The following CMTM4 variants were observed in gnomAD, a reference collection of about 807,000 sequenced individuals.
CMTM4 encodes the protein CKLF-like MARVEL transmembrane domain-containing protein 4.
CMTM4 carries 8 observed loss-of-function variants against 19.0 expected under a neutral mutation model. The ratio of observed to expected loss-of-function variants is 0.42; its 90% CI spans 0.25 to 0.76. The LOEUF (loss-of-function observed/expected upper bound fraction) is 0.76. Ranked by LOEUF, CMTM4 falls within the 30% of genes least tolerant of loss-of-function variation. The probability of loss-of-function intolerance (pLI) is 0.27; values close to 1 mark genes in which losing one functional copy is unlikely to be tolerated. For synonymous variants in CMTM4, 106 were observed against 121.1 expected (o/e 0.88, Z 0.82); for missense variants, 228 against 290.2 (o/e 0.79, Z 1.56).
chr16:66,648,977 GAAAAGA>G (rs2016257954), intron 1 of CMTM4, among the ~76,000 whole-genome samples: 1 of 151,922 alleles, frequency 6.6e-6, no homozygotes, highest in South Asian at 2.1e-4. Context: ...GTCAAAAAAA[GAAAAGA>G]AAAGGAAAAG....
chr16:66,665,781 A>G (rs2016581294), intron 1 of CMTM4, among the ~76,000 whole-genome samples: 1 of 151,924 alleles, frequency 6.6e-6, no homozygotes, highest in Non-Finnish European at 1.5e-5. Flanking sequence ...CTGTCTCAGA[A>G]AAAAAGGCCA....
rs1345410326 is a variant in CMTM4, at chr16:66,620,141, T to A, written c.*1917A>T. 2 of 985,342 alleles carry A rather than the reference T, an allele frequency of 2.0e-6. No individual in the cohort carries two copies. The highest frequency in any genetic ancestry group is 1.7e-5 in the African/African-American group (1 of 57,250). The allele number at this position is 985,342 out of a possible 1,614,324, so 61.0% of individuals were successfully genotyped here. A position where few individuals can be genotyped will look rare whatever the true frequency, so the allele number is the denominator to read the frequency against. The stretch of plus-strand genomic sequence containing the variant: ...AAGTAACATGATTCCCAGCAGGAGA[T>A]TTCTGATAAAGCTCAGGATGGTCCT... On this transcript the variant is annotated 3_prime_UTR_variant, in exon 4 of 4. Transcript: ENST00000394106.
chr16:66,658,175 A>T (rs774645703), intron 1 of CMTM4, among the ~76,000 whole-genome samples: 1 of 148,186 alleles, frequency 6.7e-6, no homozygotes, highest in Non-Finnish European at 1.5e-5. Context: ...GGCTGCAGTG[A>T]GCTATGATTG....
At chr16:66,600,148 T>TTG in the CMTM4 span, among the ~76,000 whole-genome samples, 8 of 145,866 alleles carry the variant, frequency 5.5e-5, no homozygotes, top group Admixed American at 5.5e-4. Context: ...TTTTTTTTGT[T>TTG]TTTTTTTTTT....
intron 1 of CMTM4, among the ~76,000 whole-genome samples, chr16:66,649,743 TG>T (rs1283735579): frequency 6.6e-6 from 1 of 152,066 alleles, no homozygotes; most frequent in African/African-American, 2.4e-5. Context: ...TCCCTCCTCA[TG>T]GGGGGCAGGG....
At chr16:66,642,351 G>C (rs982186954) in intron 1 of CMTM4, among the ~76,000 whole-genome samples, 3 of 152,164 alleles carry the variant, frequency 2.0e-5, no homozygotes, top group African/African-American at 7.2e-5. Context: ...TGCGATTATG[G>C]ATGCCCTTGG....
At chr16:66,626,410 C>G (rs537769240) in intron 2 of CMTM4, among the ~76,000 whole-genome samples, 1 of 152,210 alleles carries the variant, frequency 6.6e-6, no homozygotes, top group African/African-American at 2.4e-5. Flanking sequence ...TCAAGACCAC[C>G]CCTAGGCAAT....
intron 1 of CMTM4, among the ~76,000 whole-genome samples, chr16:66,676,545 A>G (rs2016813942): frequency 1.3e-5 from 2 of 152,146 alleles, no homozygotes; most frequent in Non-Finnish European, 2.9e-5. Flanking sequence ...CAGATTCCTC[A>G]CCTGTAAAAC....
intron 1 of CMTM4, among the ~76,000 whole-genome samples, chr16:66,657,142 T>C (rs957593796): frequency 1.7e-4 from 26 of 150,048 alleles, no homozygotes; most frequent in Admixed American, 6.0e-4. Context: ...TGGAGTGCAA[T>C]GGTGTGATCT....
At chr16:66,679,225 C>G (rs1256956639) in intron 1 of CMTM4, among the ~76,000 whole-genome samples, 1 of 152,034 alleles carries the variant, frequency 6.6e-6, no homozygotes, top group East Asian at 1.9e-4. Flanking sequence ...TCATCCAACC[C>G]CAAACACTTT....
chr16:66,631,732 A>G (rs1269731591), intron 2 of CMTM4, among the ~76,000 whole-genome samples: 3 of 152,068 alleles, frequency 2.0e-5, no homozygotes, highest in East Asian at 1.9e-4. Context: ...CTTGAAGGCA[A>G]CATGCTCCTT....
At chr16:66,677,254 A>G (rs1235710535) in intron 1 of CMTM4, among the ~76,000 whole-genome samples, 1 of 152,216 alleles carries the variant, frequency 6.6e-6, no homozygotes, top group African/African-American at 2.4e-5. Context: ...TATATAAAAA[A>G]GAAAAGAAAA....
intron 1 of CMTM4, among the ~76,000 whole-genome samples, chr16:66,686,253 C>CAAA (rs74924092): frequency 1.0e-5 from 1 of 95,468 alleles, no homozygotes; most frequent in Non-Finnish European, 2.2e-5. Context: ...ATTCCGTCTC[C>CAAA]AAAAAAAAAA....
intron 1 of CMTM4, among the ~76,000 whole-genome samples, chr16:66,657,542 AACAC>A (rs1196907702): frequency 1.3e-5 from 2 of 152,234 alleles, no homozygotes; most frequent in African/African-American, 2.4e-5. Flanking sequence ...CAGATATATA[AACAC>A]ACAGAGAGAG....
intron 1 of CMTM4, among the ~76,000 whole-genome samples, chr16:66,680,965 A>T (rs2016904224): frequency 6.6e-6 from 1 of 152,136 alleles, no homozygotes; most frequent in African/African-American, 2.4e-5. Flanking sequence ...AAGCCATTGC[A>T]CACACCTTCT....
chr16:66,607,999 C>A, the CMTM4 span, among the ~76,000 whole-genome samples: 1 of 152,142 alleles, frequency 6.6e-6, no homozygotes, highest in Non-Finnish European at 1.5e-5. Flanking sequence ...GCACACACCA[C>A]CATGCCCGGC....
In CMTM4 at chr16:66,621,697, T is replaced by C; in HGVS notation, c.*361A>G. ...GACTGACCGTTCCAATGCTGTCCCT[T>C]CATTCCTTCATATTTCCCCCCTCTT... On this transcript the variant is annotated 3_prime_UTR_variant, in exon 4 of 4. Coordinates refer to ENST00000394106, the MANE Select transcript of CMTM4 (RefSeq NM_181521.3). 9.4e-7 allele frequency: 1 copy of C among 1,067,870 alleles called. No individual in the cohort carries two copies. The highest frequency in any genetic ancestry group is 1.1e-6 in the Non-Finnish European group (1 of 877,382). The allele number at this position is 1,067,870 out of a possible 1,614,324, so 66.1% of individuals were successfully genotyped here.
chr16:66,608,276 G>A, the CMTM4 span: 1 of 1,612,546 alleles, frequency 6.2e-7, no homozygotes, highest in Non-Finnish European at 8.5e-7. This position sits in a 1 kb window ranked among gnomAD's most constrained non-coding sequence, Gnocchi z 5.1. Context: ...ACATGAAAAG[G>A]CTCTGACTTC....
intron 1 of CMTM4, among the ~76,000 whole-genome samples, chr16:66,694,549 C>T (rs1004403893): frequency 7.2e-5 from 11 of 151,906 alleles, no homozygotes; most frequent in African/African-American, 2.7e-4. Flanking sequence ...CCCGTCTCTA[C>T]TAAAATTACA....
Sources: gnomAD v4.1 joint callset for allele counts (sites outside exome capture counted in the v4.1 genomes callset) on GRCh38, gnomAD v4.1.1 for gene constraint, Gnocchi (gnomAD v3.1) non-coding constraint, MANE v1.5 for transcripts, NCBI Gene and HGNC (gene_info 2026-07-23, HGNC 2026-07-21) for gene names.